TMEM131L: variants seen among roughly 807,000 people sequenced by gnomAD.
TMEM131L encodes the protein transmembrane 131 like, also known as transmembrane protein 131-like.
In TMEM131L, 54 loss-of-function variants were observed where a neutral mutation model predicts 192.2. That is an observed-to-expected ratio of 0.28 (90% CI 0.23 to 0.35). TMEM131L has a LOEUF of 0.35. Among genes scored for constraint, TMEM131L ranks in the 10% least tolerant of loss-of-function variants. The pLI, the probability that TMEM131L is intolerant of heterozygous loss-of-function variation, is 1.00. For synonymous variants in TMEM131L, 701 were observed against 704.9 expected (o/e 0.99, Z 0.09); for missense variants, 1,888 against 1,972.9 (o/e 0.96, Z 0.82).
At chr4:153,477,348 C>T (rs1731614815) in intron 3 of TMEM131L, among the ~76,000 whole-genome samples, 1 of 152,136 alleles carries the variant, frequency 6.6e-6, no homozygotes, top group African/African-American at 2.4e-5. Flanking sequence ...GGGCTGCAGA[C>T]CCAGGTGTGG....
At position 153,620,829 on chromosome 4, in the gene TMEM131L, A is replaced by G; in HGVS notation, c.3641A>G (p.Lys1214Arg). ...AATTTACAAAATTTAAATTGGAGTA[A>G]AAGTCGAACATGTAGAAAGAACAAG... is the stretch of plus-strand genomic sequence containing the variant. ...EGNLQNLNWS[K>R]SRTCRKNKKR... is the part of the protein sequence containing the mutation. Residue 1214 changes from lysine to arginine, a missense_variant, in exon 27 of 35, where the codon AAA becomes AGA. Lys to Arg is a conservative substitution (Grantham distance 26, BLOSUM62 2). Transcript: ENST00000409959. 1 of 1,601,286 alleles carries G rather than the reference A, an allele frequency of 6.2e-7. No individual in the cohort carries two copies. Among genetic ancestry groups the G allele is most frequent in the East Asian group, 2.3e-5 (1 of 44,216 alleles).
At chr4:153,598,464 T>C in intron 20 of TMEM131L, 126 bp from the exon 21 acceptor site, 1 of 850,162 alleles carries the variant, frequency 1.2e-6, no homozygotes, top group Non-Finnish European at 1.8e-6. Flanking sequence ...TTTAAATTGA[T>C]TTTCTTTTTT....
chr4:153,484,778 A>G (rs1732197965), intron 3 of TMEM131L, among the ~76,000 whole-genome samples: 1 of 143,578 alleles, frequency 7.0e-6, no homozygotes, highest in Non-Finnish European at 1.5e-5. Flanking sequence ...ATAGGGATGT[A>G]GTTTTTAAAG....
intron 3 of TMEM131L, among the ~76,000 whole-genome samples, chr4:153,513,340 G>A (rs1238295630): frequency 1.3e-5 from 2 of 152,208 alleles, no homozygotes; most frequent in African/African-American, 4.8e-5. Flanking sequence ...AGTAGGATAG[G>A]AGCTCTATTC....
chr4:153,516,986 C>G (rs935667347), intron 3 of TMEM131L, among the ~76,000 whole-genome samples: 3 of 152,088 alleles, frequency 2.0e-5, no homozygotes, highest in Non-Finnish European at 4.4e-5. Context: ...GCCACCATGC[C>G]TGGCTAATTT....
intron 19 of TMEM131L, among the ~76,000 whole-genome samples, chr4:153,594,946 T>C (rs908206795): frequency 1.3e-5 from 2 of 152,176 alleles, no homozygotes; most frequent in Non-Finnish European, 2.9e-5. Context: ...CATGTATAGC[T>C]TGAAATTCCA....
At chr4:153,613,532 C>G (rs954715181) in intron 26 of TMEM131L, among the ~76,000 whole-genome samples, 2 of 152,026 alleles carry the variant, frequency 1.3e-5, no homozygotes, top group African/African-American at 4.8e-5. Flanking sequence ...TAGAGAGATC[C>G]TTAGGGAATT....
chr4:153,468,509 CAAAA>C (rs1272529150), intron 2 of TMEM131L, among the ~76,000 whole-genome samples: 3 of 152,102 alleles, frequency 2.0e-5, no homozygotes, highest in African/African-American at 7.2e-5. Flanking sequence ...ATAAAAAGAA[CAAAA>C]TAGAAATCCG....
chr4:153,519,652 A>G (rs561372036), intron 3 of TMEM131L, among the ~76,000 whole-genome samples: 1 of 152,372 alleles, frequency 6.6e-6, no homozygotes, highest in East Asian at 1.9e-4. Flanking sequence ...AAGCAGAGAC[A>G]TGCATTTAGT....
At chr4:153,551,125 G>A (rs919937301) in intron 4 of TMEM131L, among the ~76,000 whole-genome samples, 4 of 152,166 alleles carry the variant, frequency 2.6e-5, no homozygotes, top group Non-Finnish European at 5.9e-5. Flanking sequence ...TTTCAAGAGC[G>A]AGAGGTAAAA....
rs950273782 is a variant in TMEM131L at position 153,635,458 on chromosome 4, C to T, written c.4444C>T (p.Pro1482Ser). 11 of 1,613,878 alleles carry T rather than the reference C, an allele frequency of 6.8e-6. No individual in the cohort carries two copies. The Admixed American group carries it at 1.0e-4, about 15-fold the overall frequency. ...EENMNYANGF[P>S]CPADVQTDFI... ...AAACATGAACTATGCCAATGGCTTC[C>T]CCTGTCCTGCAGATGTTCAGACAGA... The change falls in exon 34 of 35, where the codon CCC becomes TCC. Residue 1482 changes from proline (P) to serine (S), a missense_variant. Coordinates refer to ENST00000409959, the MANE Select transcript of TMEM131L (RefSeq NM_001131007.2).
At chr4:153,603,584 G>A in intron 24 of TMEM131L, 132 bp downstream of exon 24, 1 of 1,091,950 alleles carries the variant, frequency 9.2e-7, no homozygotes, top group Non-Finnish European at 1.3e-6. Context: ...AAGTCATTAT[G>A]TGAACAGCTG....
chr4:153,625,007 C>T (rs553731800), intron 29 of TMEM131L, among the ~76,000 whole-genome samples: 2 of 152,314 alleles, frequency 1.3e-5, no homozygotes, highest in African/African-American at 4.8e-5. Context: ...CCTTTTTAGA[C>T]ATTGTTGTCT....
chr4:153,597,500 A>G (rs1731525787), intron 20 of TMEM131L, among the ~76,000 whole-genome samples: 1 of 152,236 alleles, frequency 6.6e-6, no homozygotes, highest in Admixed American at 6.5e-5. Flanking sequence ...AATGGTTAAT[A>G]AAGGCTTTTT....
intron 4 of TMEM131L, chr4:153,554,313 T>A (rs895784939): frequency 1.3e-5 from 2 of 152,214 alleles, no homozygotes; most frequent in Admixed American, 6.5e-5. Flanking sequence ...TAAGAACACT[T>A]TGAAAAATCA....
At chr4:153,496,145 T>G (rs1270424829) in intron 3 of TMEM131L, among the ~76,000 whole-genome samples, 1 of 152,178 alleles carries the variant, frequency 6.6e-6, no homozygotes, top group Non-Finnish European at 1.5e-5. Flanking sequence ...CAAAATAGAT[T>G]AGGCTATGGG....
intron 31 of TMEM131L, among the ~76,000 whole-genome samples, chr4:153,629,837 C>CAG (rs1734094115): frequency 6.6e-6 from 1 of 152,142 alleles, no homozygotes; most frequent in African/African-American, 2.4e-5. Flanking sequence ...TGGAGCCCTC[C>CAG]AGAGAGCAGG....
chr4:153,598,511 TG>T, intron 20 of TMEM131L, 78 bp from the exon 21 acceptor site: 2 of 1,192,404 alleles, frequency 1.7e-6, no homozygotes, highest in Non-Finnish European at 2.4e-6. Context: ...TCTTGATAAC[TG>T]GGAATATTTA....
chr4:153,476,526 T>C (rs939560408), intron 3 of TMEM131L, among the ~76,000 whole-genome samples: 2 of 151,838 alleles, frequency 1.3e-5, no homozygotes, highest in African/African-American at 4.8e-5. Context: ...TGAAACCCCC[T>C]CTCTACTAAA....
Sources: allele counts gnomAD v4.1 joint callset (sites outside exome capture counted in the v4.1 genomes callset), GRCh38; gene constraint gnomAD v4.1.1; transcripts MANE v1.5; gene names NCBI Gene and HGNC (gene_info 2026-07-23, HGNC 2026-07-21).